TLN2: variants seen among roughly 807,000 people sequenced by gnomAD.
The protein encoded by TLN2 is talin 2, also known as talin-2.
A neutral mutation model predicts 294.7 loss-of-function variants in TLN2; 118 were observed. The observed-to-expected ratio is 0.40, with a 90% CI of 0.34 to 0.47. The LOEUF (loss-of-function observed/expected upper bound fraction) is 0.47, where lower values mean the gene tolerates loss of function less well. Among genes scored for constraint, TLN2 ranks in the 20% least tolerant of loss-of-function variants. The pLI is 0.84. For missense variants in TLN2, 3,083 were observed against 3,282.2 expected (o/e 0.94, Z 1.48); for synonymous variants, 1,431 against 1,304.5 (o/e 1.10, Z -2.09).
At chr15:62,823,176 T>C (rs1428681710) in intron 54 of TLN2, among the ~76,000 whole-genome samples, 1 of 152,224 alleles carries the variant, frequency 6.6e-6, no homozygotes, top group Non-Finnish European at 1.5e-5. Context: ...TCTAGAATGC[T>C]TCACAATGGT....
rs887569492 is a variant in TLN2 at position 62,767,157 on chromosome 15, G to A, written c.5196+735G>A. Among the ~76,000 whole-genome samples, 9 of 152,208 alleles carry A rather than the reference G, an allele frequency of 5.9e-5. No individual in the cohort carries two copies. In the East Asian group the frequency reaches 1.5e-3, roughly 26 times the overall value. On this transcript the variant is annotated intron_variant, in intron 41 of 58. Transcript: ENST00000636159. ...AAATACAGTAGCCAAAATCTTCTTG[G>A]CAGGTATCGATTTTAGAAAATCAAT...
At chr15:62,458,604 G>GAAAAA (rs55990249) in intron 1 of TLN2, among the ~76,000 whole-genome samples, 101,606 of 129,848 alleles carry the variant, frequency 0.78, 40,973 homozygotes, top group East Asian at 0.91. Context: ...CGTCTCTACA[G>GAAAAA]AAAAAAAAAA....
chr15:62,756,572 A>C (rs2062265681), intron 37 of TLN2, among the ~76,000 whole-genome samples: 1 of 152,148 alleles, frequency 6.6e-6, no homozygotes, highest in Non-Finnish European at 1.5e-5. Flanking sequence ...CCTGGACACC[A>C]CTGAAGGGAA....
At chr15:62,556,680 G>T (rs2042623801) in intron 1 of TLN2, among the ~76,000 whole-genome samples, 1 of 152,138 alleles carries the variant, frequency 6.6e-6, no homozygotes, top group South Asian at 2.1e-4. Context: ...CATTCCATTT[G>T]CAAATATAGA....
Position 62,605,795 on chromosome 15 carries a change from A to G in TLN2, c.-161-12556A>G, listed in dbSNP as rs2047386160. Among the ~76,000 whole-genome samples, 5 of 152,336 alleles carry G rather than the reference A, an allele frequency of 3.3e-5. No homozygotes were observed. The South Asian group carries it at 1.0e-3, about 32-fold the overall frequency. On this transcript the variant is annotated intron_variant, in intron 2 of 58. Coordinates refer to ENST00000636159, the MANE Select transcript of TLN2 (RefSeq NM_015059.3). ...ACCGTAGCAGCAAAGAGATCTGGGC[A>G]ATCAATATATGATGTTTAGACCTGC...
chr15:62,831,728 C>T (rs1240122402), intron 54 of TLN2: 1 of 152,160 alleles, frequency 6.6e-6, no homozygotes, highest in Non-Finnish European at 1.5e-5. Context: ...GAAATGCTAC[C>T]ATCATTCAGA....
intron 45 of TLN2, 102 bp downstream of exon 45, chr15:62,783,992 C>T (rs781092728): frequency 6.4e-7 from 1 of 1,564,874 alleles, no homozygotes; most frequent in Non-Finnish European, 8.7e-7. Context: ...GACCCCAGCC[C>T]AGTAACCAGA....
At chr15:62,635,051 G>A (rs1468337578) in intron 3 of TLN2, among the ~76,000 whole-genome samples, 1 of 152,168 alleles carries the variant, frequency 6.6e-6, no homozygotes, top group East Asian at 1.9e-4. Flanking sequence ...TGGATGGCAG[G>A]ATGGTTCTGT....
chr15:62,808,922 C>T (rs893932891), intron 51 of TLN2, among the ~76,000 whole-genome samples: 1 of 152,260 alleles, frequency 6.6e-6, no homozygotes, highest in Non-Finnish European at 1.5e-5. Flanking sequence ...GTATTCCCAT[C>T]AGCACTCACA....
At chr15:62,410,960 A>T (rs570606876) in intron 1 of TLN2, among the ~76,000 whole-genome samples, 1 of 152,320 alleles carries the variant, frequency 6.6e-6, no homozygotes, top group Non-Finnish European at 1.5e-5. Context: ...AAACCAGGGT[A>T]CATCCATGTG....
At position 62,842,309 on chromosome 15, in the gene TLN2, G is replaced by A. The variant is rs901808854; in HGVS notation, c.*1699G>A. The stretch of plus-strand genomic sequence containing the variant: ...AGTGTGTGGGCACCAGTTCTGAAGA[G>A]GAGGGGAGCTGCTGGAGCCCTAGCC... On this transcript the variant is annotated 3_prime_UTR_variant, in exon 59 of 59. Coordinates refer to ENST00000636159, the MANE Select transcript of TLN2 (RefSeq NM_015059.3). 6.6e-6 allele frequency: 1 copy of A among 152,268 alleles called. No homozygotes were observed. Among genetic ancestry groups the A allele is most frequent in the Non-Finnish European group, 1.5e-5 (1 of 68,096 alleles). The allele number at this position is 152,268 out of a possible 1,614,324, so 9.4% of individuals were successfully genotyped here.
chr15:62,735,707 T>G (rs1309318612), intron 28 of TLN2, among the ~76,000 whole-genome samples: 1 of 152,210 alleles, frequency 6.6e-6, no homozygotes, highest in Non-Finnish European at 1.5e-5. Flanking sequence ...ACTTACTGTA[T>G]GACCTAGCAG....
At chr15:62,465,527 G>C (rs2037084110) in intron 1 of TLN2, among the ~76,000 whole-genome samples, 1 of 152,180 alleles carries the variant, frequency 6.6e-6, no homozygotes, top group Non-Finnish European at 1.5e-5. Flanking sequence ...GAAACTATCG[G>C]GTTATGTGTG....
In TLN2 at chr15:62,698,900, C is replaced by T. The variant is rs541932717; in HGVS notation, c.1587+33C>T. ...CTGTTCAGTGGTTTTCATGCCAAGT[C>T]TCTGCCCTGGCAGAAAGCAGGGTTA... On this transcript the variant is annotated intron_variant, in intron 16 of 58. Coordinates refer to ENST00000636159, the MANE Select transcript of TLN2 (RefSeq NM_015059.3). The T allele has an allele frequency of 3.0e-5, 48 of 1,589,652 alleles. 1 individual carries two copies. The South Asian group carries it at 5.1e-4, about 17-fold the overall frequency.
chr15:62,500,021 C>T (rs896880517), intron 1 of TLN2, among the ~76,000 whole-genome samples: 3 of 151,876 alleles, frequency 2.0e-5, no homozygotes, highest in Admixed American at 6.6e-5. Flanking sequence ...AGATGGTGGG[C>T]GTTGGTGGTT....
At chr15:62,614,797 C>G (rs2048182028) in intron 2 of TLN2, among the ~76,000 whole-genome samples, 1 of 152,150 alleles carries the variant, frequency 6.6e-6, no homozygotes, top group Non-Finnish European at 1.5e-5. Flanking sequence ...ATCTTTCTGT[C>G]CCAATTCACT....
intron 43 of TLN2, among the ~76,000 whole-genome samples, chr15:62,777,625 C>T (rs2063813688): frequency 6.6e-6 from 1 of 152,040 alleles, no homozygotes; most frequent in South Asian, 2.1e-4. Context: ...CAAGGCTCCA[C>T]CCCCAACCCA....
intron 45 of TLN2, among the ~76,000 whole-genome samples, chr15:62,787,584 T>C (rs2064770845): frequency 6.6e-6 from 1 of 152,158 alleles, no homozygotes; most frequent in Non-Finnish European, 1.5e-5. Flanking sequence ...TTGAGCTACA[T>C]TCCTTTCTAA....
At chr15:62,566,667 A>T (rs1232070193) in intron 1 of TLN2, among the ~76,000 whole-genome samples, 1 of 141,192 alleles carries the variant, frequency 7.1e-6, no homozygotes, top group Non-Finnish European at 1.5e-5. Flanking sequence ...TGTGTTACCC[A>T]GGCTGGAGCG....
Sources: gnomAD v4.1 joint callset for allele counts (sites outside exome capture counted in the v4.1 genomes callset) on GRCh38, gnomAD v4.1.1 for gene constraint, MANE v1.5 for transcripts, NCBI Gene and HGNC (gene_info 2026-07-23, HGNC 2026-07-21) for gene names.